The following GALNTL6 variants were observed in gnomAD, a reference collection of about 807,000 sequenced individuals.
The protein encoded by GALNTL6 is polypeptide N-acetylgalactosaminyltransferase like 6, also known as polypeptide N-acetylgalactosaminyltransferase-like 6.
GALNTL6 carries 46 observed loss-of-function variants against 73.7 expected under a neutral mutation model. The ratio of observed to expected loss-of-function variants is 0.62; its 90% confidence interval spans 0.49 to 0.80. The LOEUF is 0.80. Ranked by LOEUF, GALNTL6 falls within the 30% of genes least tolerant of loss-of-function variation. The pLI, the probability that GALNTL6 is intolerant of heterozygous loss-of-function variation, is 0.00. For missense variants in GALNTL6, 604 were observed against 755.0 expected, an observed-to-expected ratio of 0.80 and a Z score of 2.34; for synonymous variants, 259 against 263.7, an observed-to-expected ratio of 0.98 and a Z score of 0.17.
chr4:172,485,506 A>G (rs1733634659), intron 5 of GALNTL6, among the ~76,000 whole-genome samples: 1 of 152,130 alleles, frequency 6.6e-6, no homozygotes, highest in Admixed American at 6.5e-5. Flanking sequence ...AATGTAACGC[A>G]TATTTTAGAT....
chr4:172,789,039 G>A (rs543726120), intron 5 of GALNTL6, among the ~76,000 whole-genome samples: 1 of 152,248 alleles, frequency 6.6e-6, no homozygotes, highest in South Asian at 2.1e-4. Flanking sequence ...AATGTGGGGT[G>A]TAGTTTTCCC....
chr4:172,899,637 G>A (rs1746517576), intron 8 of GALNTL6, among the ~76,000 whole-genome samples: 1 of 152,070 alleles, frequency 6.6e-6, no homozygotes, highest in Admixed American at 6.6e-5. Flanking sequence ...GAAGGTTCTT[G>A]GATCTTGCTC....
rs138853388 is a variant in GALNTL6 at position 172,122,911 on chromosome 4, C to T, written c.139-106745C>T. Among the ~76,000 whole-genome samples the T allele has an allele frequency of 3.9e-3, 594 of 152,330 alleles. 7 individuals are homozygous for T. The highest frequency in any genetic ancestry group is 0.03 in the Admixed American group (463 of 15,302). On this transcript the variant is annotated intron_variant, in intron 2 of 12. Coordinates refer to ENST00000506823, the MANE Select transcript of GALNTL6 (RefSeq NM_001034845.3). ...AATCCAGAAGAATTCAGGATCTAGT[C>T]AGTTTATAGTAGGTAATAAGAACTC...
At chr4:172,126,031 C>T (rs1733284306) in intron 2 of GALNTL6, among the ~76,000 whole-genome samples, 1 of 151,568 alleles carries the variant, frequency 6.6e-6, no homozygotes, top group Non-Finnish European at 1.5e-5. Flanking sequence ...ATTTTTAACA[C>T]TTAAAAACTT....
chr4:172,345,147 A>G (rs1332732431), intron 4 of GALNTL6, among the ~76,000 whole-genome samples: 1 of 150,526 alleles, frequency 6.6e-6, no homozygotes, highest in Non-Finnish European at 1.5e-5. Context: ...TTAATCTTAT[A>G]GAGGGTAAAT....
intron 10 of GALNTL6, among the ~76,000 whole-genome samples, chr4:172,965,990 T>G (rs758613324): frequency 6.6e-6 from 1 of 152,224 alleles, no homozygotes; most frequent in African/African-American, 2.4e-5. Context: ...AGAATGACAC[T>G]AAATTAATAG....
Position 172,354,435 on chromosome 4 carries a change from C to T in GALNTL6, c.553+5746C>T, listed in dbSNP as rs527292563. Among the ~76,000 whole-genome samples the T allele has an allele frequency of 2.6e-5, 4 of 152,102 alleles. No homozygotes were observed. In the South Asian group the frequency reaches 6.2e-4, roughly 24 times the overall value. On this transcript the variant is annotated intron_variant, in intron 5 of 12. Coordinates refer to ENST00000506823, the MANE Select transcript of GALNTL6 (RefSeq NM_001034845.3). ...ATTCTGCTTTCTGATATTTGTATAT[C>T]GTGTTGCATAAAAGTTAAATGTGCA... is the stretch of plus-strand genomic sequence containing the variant.
chr4:172,612,026 A>G (rs1738544242), intron 5 of GALNTL6, among the ~76,000 whole-genome samples: 1 of 152,090 alleles, frequency 6.6e-6, no homozygotes, highest in Non-Finnish European at 1.5e-5. Flanking sequence ...CAGTCTCGTC[A>G]TCTATTTTTT....
chr4:172,310,561 A>G (rs1740317998), intron 3 of GALNTL6, among the ~76,000 whole-genome samples: 1 of 152,140 alleles, frequency 6.6e-6, no homozygotes. Context: ...CTGAGCCACT[A>G]TGACCAGCCT....
chr4:172,070,388 GTTGGCAAC>G (rs1259442964), intron 2 of GALNTL6, among the ~76,000 whole-genome samples: 1 of 110,482 alleles, frequency 9.1e-6, no homozygotes, highest in Admixed American at 9.5e-5. Flanking sequence ...AAGTTAAGGT[GTTGGCAAC>G]TTCATCCCTC....
chr4:172,996,513 C>T (rs1274407757), intron 10 of GALNTL6, among the ~76,000 whole-genome samples: 1 of 152,074 alleles, frequency 6.6e-6, no homozygotes, highest in African/African-American at 2.4e-5. Flanking sequence ...ATATGACAAA[C>T]CTGCACATGG....
intron 5 of GALNTL6, among the ~76,000 whole-genome samples, chr4:172,363,037 T>A (rs1293720037): frequency 6.6e-6 from 1 of 152,130 alleles, no homozygotes; most frequent in Non-Finnish European, 1.5e-5. Context: ...CAGTCTTCCC[T>A]CTCTATAACT....
At chr4:172,121,180 C>T (rs933881349) in intron 2 of GALNTL6, among the ~76,000 whole-genome samples, 2 of 150,592 alleles carry the variant, frequency 1.3e-5, no homozygotes, top group East Asian at 2.0e-4. Flanking sequence ...TTATACTTGG[C>T]GACAAAGATT....
intron 7 of GALNTL6, among the ~76,000 whole-genome samples, chr4:172,853,896 A>G (rs958286817): frequency 2.6e-5 from 4 of 152,142 alleles, no homozygotes; most frequent in Non-Finnish European, 5.9e-5. Context: ...AGAAGATTCA[A>G]TGACCTCTAA....
intron 2 of GALNTL6, among the ~76,000 whole-genome samples, chr4:172,028,110 C>T (rs1002643567): frequency 6.6e-6 from 1 of 151,938 alleles, no homozygotes; most frequent in East Asian, 1.9e-4. Flanking sequence ...GAAGAAGTGG[C>T]CATCTAGGAT....
chr4:172,122,489 G>T (rs1733178997), intron 2 of GALNTL6, among the ~76,000 whole-genome samples: 2 of 152,110 alleles, frequency 1.3e-5, no homozygotes, highest in African/African-American at 4.8e-5. Flanking sequence ...TTACCTCTTA[G>T]AATTCATCTG....
chr4:172,284,471 A>G (rs565808696), intron 3 of GALNTL6, among the ~76,000 whole-genome samples: 1 of 151,166 alleles, frequency 6.6e-6, no homozygotes, highest in African/African-American at 2.4e-5. Context: ...TCCAATGCTT[A>G]TTACTTCACA....
chr4:172,030,900 A>T (rs1741748162), intron 2 of GALNTL6, among the ~76,000 whole-genome samples: 1 of 152,094 alleles, frequency 6.6e-6, no homozygotes, highest in African/African-American at 2.4e-5. Flanking sequence ...TATGTAAAAT[A>T]AACTCGCAGT....
chr4:171,988,952 T>TG lies in GALNTL6; in HGVS notation c.138+174234_138+174235insG, dbSNP rs571651724. Among the ~76,000 whole-genome samples the TG allele has an allele frequency of 6.4e-4, 97 of 152,042 alleles. 1 individual carries two copies. The South Asian group carries it at 0.014, about 22-fold the overall frequency. ...AAAAGGTGGCAATGAGGTGTGGCTG[T>TG]AGCCTAGGAATAGTCAGGGAAGCAG... On this transcript the variant is annotated intron_variant, in intron 2 of 12. Coordinates refer to ENST00000506823, the MANE Select transcript of GALNTL6 (RefSeq NM_001034845.3).
Sources: gnomAD v4.1 joint callset for allele counts (sites outside exome capture counted in the v4.1 genomes callset) on GRCh38, gnomAD v4.1.1 for gene constraint, MANE v1.5 for transcripts, NCBI Gene and HGNC (gene_info 2026-07-23, HGNC 2026-07-21) for gene names.